Variants in L3MBTL4 observed in about 807,000 individuals in gnomAD.
L3MBTL4 encodes the protein L3MBTL histone methyl-lysine binding protein 4.
Under a neutral mutation model 84.5 loss-of-function variants are expected in L3MBTL4, and 70 were observed. The observed-to-expected ratio is 0.83, with a 90% CI of 0.68 to 1.01. The LOEUF (loss-of-function observed/expected upper bound fraction) is 1.01. Ranked by LOEUF, L3MBTL4 falls within the 50% of genes least tolerant of loss-of-function variation. L3MBTL4 has a pLI of 0.00. For synonymous variants in L3MBTL4, 274 were observed against 259.8 expected (o/e 1.05, Z -0.52); for missense variants, 715 against 754.8 (o/e 0.95, Z 0.62).
Position 6,366,375 on chromosome 18 carries a change from A to C in L3MBTL4, c.-91+48426T>G, listed in dbSNP as rs992004138. Reference sequence around the variant, plus strand: ...TGTCAGAGAACAAATTGTGGCTACTATGTCTAGAGAAAGATAACATAATAG... The same window carrying C: ...TGTCAGAGAACAAATTGTGGCTACTCTGTCTAGAGAAAGATAACATAATAG... On this transcript the variant is annotated intron_variant, in intron 1 of 18. Coordinates refer to ENST00000317931, the MANE Select transcript of L3MBTL4 (RefSeq NM_001330559.2). 6.6e-5 allele frequency among the ~76,000 whole-genome samples: 10 copies of C among 152,328 alleles called. No homozygotes were observed. In the East Asian group the frequency reaches 1.9e-3, roughly 29 times the overall value.
intron 12 of L3MBTL4, among the ~76,000 whole-genome samples, chr18:6,208,486 T>C (rs529899706): frequency 1.5e-4 from 23 of 152,234 alleles, no homozygotes; most frequent in Non-Finnish European, 3.1e-4. Context: ...GTAGAACTTA[T>C]TAAAGCATCT....
chr18:6,078,077 A>G (rs1568078316), intron 16 of L3MBTL4, among the ~76,000 whole-genome samples: 1 of 150,168 alleles, frequency 6.7e-6, no homozygotes. Flanking sequence ...CTCCTGATGA[A>G]TGAAGAAGGC....
Position 6,405,036 on chromosome 18 carries a change from A to G in L3MBTL4, c.-91+9765T>C, listed in dbSNP as rs572961830. ...TTTGTATTTTTGCTGACATGTTTAA[A>G]TGCTTAGGCTAGGGAAAACTTGAAG... On this transcript the variant is annotated intron_variant, in intron 1 of 18. Transcript: ENST00000317931. Among the ~76,000 whole-genome samples, 7 of 152,274 alleles carry G rather than the reference A, an allele frequency of 4.6e-5. No homozygotes were observed. The South Asian group carries it at 1.5e-3, about 32-fold the overall frequency.
chr18:5,970,179 G>C (rs1442652163), intron 16 of L3MBTL4, among the ~76,000 whole-genome samples: 1 of 152,224 alleles, frequency 6.6e-6, no homozygotes, highest in Non-Finnish European at 1.5e-5. Context: ...TCCTGTGGCA[G>C]CCAGGGACTT....
In L3MBTL4 at chr18:6,067,696, TA is replaced by T. The variant is rs59467514; in HGVS notation, c.1444+13184del. Among the ~76,000 whole-genome samples, 89 of 151,042 alleles carry T rather than the reference TA, an allele frequency of 5.9e-4. 1 individual carries two copies. In the Middle Eastern group the frequency reaches 0.01, roughly 17 times the overall value. ...AAAATTTTCATTCATATCCTAAATTTAAAAAAAAAATTTCTTTATGTTGTTT... is the reference window on the plus strand; with the variant it reads ...AAAATTTTCATTCATATCCTAAATTTAAAAAAAAATTTCTTTATGTTGTTT... On this transcript the variant is annotated intron_variant, in intron 16 of 18. Transcript: ENST00000317931.
At position 6,366,505 on chromosome 18, in the gene L3MBTL4, T is replaced by C. The variant is rs1008415748; in HGVS notation, c.-91+48296A>G. 1.6e-4 allele frequency among the ~76,000 whole-genome samples: 25 copies of C among 152,350 alleles called. No homozygotes were observed. The South Asian group carries it at 5.2e-3, about 32-fold the overall frequency. On this transcript the variant is annotated intron_variant, in intron 1 of 18. Transcript: ENST00000317931. ...CGTGTTTTTAAATAATGATATTATC[T>C]AGGAGTAGTTCTTTCAAAATGAAGG...
At chr18:6,184,238 T>C (rs2044617148) in intron 12 of L3MBTL4, among the ~76,000 whole-genome samples, 1 of 152,226 alleles carries the variant, frequency 6.6e-6, no homozygotes, top group African/African-American at 2.4e-5. Flanking sequence ...TAATTTCCTG[T>C]TCACTTCCGA....
At chr18:6,122,061 G>A (rs1568157317) in intron 14 of L3MBTL4, among the ~76,000 whole-genome samples, 2 of 152,030 alleles carry the variant, frequency 1.3e-5, no homozygotes, top group Non-Finnish European at 2.9e-5. Context: ...GTGCAGTGAT[G>A]GGAAGACACT....
chr18:6,405,664 G>A (rs2055704047), intron 1 of L3MBTL4, among the ~76,000 whole-genome samples: 1 of 152,102 alleles, frequency 6.6e-6, no homozygotes, highest in African/African-American at 2.4e-5. Flanking sequence ...CAGGGGCTGG[G>A]CCCGAGGGCC....
At chr18:6,094,169 G>A (rs777834911) in intron 14 of L3MBTL4, among the ~76,000 whole-genome samples, 4 of 152,150 alleles carry the variant, frequency 2.6e-5, no homozygotes, top group Admixed American at 6.5e-5. Flanking sequence ...AGCAGGCTAT[G>A]GGCAGAAGGA....
At chr18:6,294,674 C>A (rs1158526476) in intron 4 of L3MBTL4, among the ~76,000 whole-genome samples, 1 of 152,038 alleles carries the variant, frequency 6.6e-6, no homozygotes, top group Non-Finnish European at 1.5e-5. Context: ...TCCACTAGAA[C>A]TAAGTGCTGC....
At chr18:6,319,997 T>C (rs1296598876) in intron 1 of L3MBTL4, among the ~76,000 whole-genome samples, 1 of 151,980 alleles carries the variant, frequency 6.6e-6, no homozygotes, top group African/African-American at 2.4e-5. Flanking sequence ...CACATGCAAG[T>C]TAATAAATGT....
rs528590811 is a variant in L3MBTL4 at position 5,963,910 on chromosome 18, A to T, written c.1615-3754T>A. The stretch of plus-strand genomic sequence containing the variant: ...GGGCATGACCTCTGCAGAAGAGGAA[A>T]CGACCATCCACTTGCCCTGCACCCA... On this transcript the variant is annotated intron_variant, in intron 17 of 18. Transcript: ENST00000317931. Among the ~76,000 whole-genome samples, 4 of 152,350 alleles carry T rather than the reference A, an allele frequency of 2.6e-5. No individual in the cohort carries two copies. The South Asian group carries it at 8.3e-4, about 32-fold the overall frequency.
intron 4 of L3MBTL4, among the ~76,000 whole-genome samples, chr18:6,276,072 C>G (rs956486661): frequency 3.3e-5 from 5 of 152,234 alleles, no homozygotes; most frequent in Non-Finnish European, 5.9e-5. Context: ...TATCTGATTG[C>G]TTCCTTTGGA....
At chr18:6,079,253 G>A (rs1326961558) in intron 16 of L3MBTL4, among the ~76,000 whole-genome samples, 1 of 152,118 alleles carries the variant, frequency 6.6e-6, no homozygotes, top group Admixed American at 6.5e-5. Context: ...ATTTTCATGG[G>A]ATGGAATGAA....
chr18:6,366,002 T>G (rs1318107633), intron 1 of L3MBTL4, among the ~76,000 whole-genome samples: 1 of 152,170 alleles, frequency 6.6e-6, no homozygotes, highest in Non-Finnish European at 1.5e-5. Flanking sequence ...TGCACTCTGT[T>G]AGGAGCACAG....
rs1334111538 is a variant in L3MBTL4, at chr18:5,955,133, T to C, written c.*1087A>G. On this transcript the variant is annotated 3_prime_UTR_variant, in exon 19 of 19. Coordinates refer to ENST00000317931, the MANE Select transcript of L3MBTL4 (RefSeq NM_001330559.2). ...GTAGTAAGAAGTGTCAGAAAAGAGG[T>C]ACTTGTCTTTCAACACTGTGGGACT... 2.6e-5 allele frequency: 4 copies of C among 152,166 alleles called. No homozygotes were observed. The highest frequency in any genetic ancestry group is 5.9e-5 in the Non-Finnish European group (4 of 68,040). 9.4% of individuals were successfully genotyped at this position (152,166 alleles called of 1,614,324 possible). A position where few individuals can be genotyped will look rare whatever the true frequency, so the allele number is the denominator to read the frequency against.
intron 16 of L3MBTL4, among the ~76,000 whole-genome samples, chr18:5,995,871 G>A (rs1247404542): frequency 6.6e-6 from 1 of 152,104 alleles, no homozygotes; most frequent in Non-Finnish European, 1.5e-5. Context: ...ATTGATCCCC[G>A]CTACTTAGCA....
chr18:6,051,165 CCTGA>C (rs2056824562), intron 16 of L3MBTL4, among the ~76,000 whole-genome samples: 1 of 152,202 alleles, frequency 6.6e-6, no homozygotes, highest in Admixed American at 6.5e-5. Flanking sequence ...CCAGAAGGAT[CCTGA>C]CTAAAATTCT....
Sources: gnomAD v4.1 joint callset for allele counts (sites outside exome capture counted in the v4.1 genomes callset) on GRCh38, gnomAD v4.1.1 for gene constraint, MANE v1.5 for transcripts, NCBI Gene and HGNC (gene_info 2026-07-23, HGNC 2026-07-21) for gene names.